The following OCLN variants were observed in gnomAD, a reference collection of about 807,000 sequenced individuals.
The protein encoded by OCLN is occludin.
In OCLN, 21 loss-of-function variants were observed where a neutral mutation model predicts 47.9. That is an observed-to-expected ratio of 0.44 (90% CI 0.31 to 0.63). The LOEUF is 0.63. Among genes scored for constraint, OCLN ranks in the 30% least tolerant of loss-of-function variants. The probability of loss-of-function intolerance (pLI) is 0.08; values close to 1 mark genes in which losing one functional copy is unlikely to be tolerated. For missense variants in OCLN, 360 were observed against 571.0 expected, an observed-to-expected ratio of 0.63 and a Z score of 3.77; for synonymous variants, 117 against 198.4, an observed-to-expected ratio of 0.59 and a Z score of 3.45.
chr5:69,528,381 GTGTTCC>G (rs1383746040), intron 4 of OCLN, among the ~76,000 whole-genome samples: 1 of 144,184 alleles, frequency 6.9e-6, no homozygotes, highest in Non-Finnish European at 1.5e-5. Context: ...TTTGAGAGAG[GTGTTCC>G]TAAACGCTGA....
intron 4 of OCLN, among the ~76,000 whole-genome samples, chr5:69,532,010 T>C (rs1161512693): frequency 6.6e-6 from 1 of 152,232 alleles, no homozygotes; most frequent in Non-Finnish European, 1.5e-5. Context: ...TCAGATCAAG[T>C]GGCCTTAATT....
Position 69,502,622 on chromosome 5 carries a change from G to T in OCLN, c.-68-1555G>T, listed in dbSNP as rs192915641. Among the ~76,000 whole-genome samples the T allele has an allele frequency of 5.3e-5, 8 of 152,348 alleles. No homozygotes were observed. In the East Asian group the frequency reaches 1.5e-3, roughly 29 times the overall value. On this transcript the variant is annotated intron_variant, in intron 1 of 8. Coordinates refer to ENST00000396442, the MANE Select transcript of OCLN (RefSeq NM_001205254.2). ...ACTAATCACTGGTATAACCTGGAAAGAATTTATTGTTGGTTCAACATAGCT... is the reference window on the plus strand; with the variant it reads ...ACTAATCACTGGTATAACCTGGAAATAATTTATTGTTGGTTCAACATAGCT...
At chr5:69,518,241 G>C (rs937560347) in intron 4 of OCLN, among the ~76,000 whole-genome samples, 33 of 152,140 alleles carry the variant, frequency 2.2e-4, no homozygotes, top group African/African-American at 8.0e-4. Context: ...ATAGCCTGTG[G>C]GTTGTTGCAT....
rs1768184458 is a variant in OCLN, at chr5:69,493,034, G to C, written c.-69+134G>C. On this transcript the variant is annotated intron_variant, in intron 1 of 8. Transcript: ENST00000396442. This position sits in a 1 kb window ranked among gnomAD's most constrained non-coding sequence, Gnocchi z 5.3. ...GTTTCGGTGGCAGTTTCGTCCCCGA[G>C]CTGGGACTCGTGGGAACCAGAGAGG... 6.6e-6 allele frequency: 1 copy of C among 152,558 alleles called. No individual in the cohort carries two copies. The allele number at this position is 152,558 out of a possible 1,614,324, so 9.5% of individuals were successfully genotyped here. A position where few individuals can be genotyped will look rare whatever the true frequency, so the allele number is the denominator to read the frequency against.
intron 7 of OCLN, among the ~76,000 whole-genome samples, chr5:69,549,455 C>T (rs1220576109): frequency 7.1e-6 from 1 of 141,138 alleles, no homozygotes; most frequent in Admixed American, 7.2e-5. Flanking sequence ...TTAGTTAAAA[C>T]AATCTCTCCA....
At chr5:69,511,806 C>T (rs1356561337) in intron 3 of OCLN, among the ~76,000 whole-genome samples, 1 of 152,070 alleles carries the variant, frequency 6.6e-6, no homozygotes, top group East Asian at 1.9e-4. Flanking sequence ...GGGCGGATCA[C>T]CTGAGGTCAG....
intron 1 of OCLN, among the ~76,000 whole-genome samples, chr5:69,501,660 C>T (rs1768462251): frequency 6.6e-6 from 1 of 151,604 alleles, no homozygotes; most frequent in Non-Finnish European, 1.5e-5. Flanking sequence ...GAGAAATTGA[C>T]TTGAGTGCTA....
At chr5:69,529,928 T>C (rs1769384739) in intron 4 of OCLN, among the ~76,000 whole-genome samples, 1 of 152,224 alleles carries the variant, frequency 6.6e-6, no homozygotes, top group Non-Finnish European at 1.5e-5. Flanking sequence ...ATTTGTGTTT[T>C]CATCCTGCTT....
intron 4 of OCLN, among the ~76,000 whole-genome samples, chr5:69,530,277 G>A (rs1245458408): frequency 6.6e-6 from 1 of 152,136 alleles, no homozygotes; most frequent in African/African-American, 2.4e-5. Context: ...GGGGCATTCT[G>A]TCAGTAATAA....
At chr5:69,525,096 T>G (rs571265047) in intron 4 of OCLN, among the ~76,000 whole-genome samples, 35 of 152,034 alleles carry the variant, frequency 2.3e-4, no homozygotes, top group Non-Finnish European at 4.7e-4. Flanking sequence ...AGTGTACATT[T>G]CTTTCTTTTC....
chr5:69,499,913 G>A (rs1245158145), intron 1 of OCLN, among the ~76,000 whole-genome samples: 2 of 152,176 alleles, frequency 1.3e-5, no homozygotes, highest in African/African-American at 2.4e-5. Context: ...TCCCAGTGCA[G>A]AGGTCAGGAT....
Position 69,533,903 on chromosome 5 carries a change from A to G in OCLN, c.892-791A>G, listed in dbSNP as rs992285084. 2.4e-3 allele frequency among the ~76,000 whole-genome samples: 356 copies of G among 151,462 alleles called. 2 individuals carry two copies. Among genetic ancestry groups the G allele is most frequent in the African/African-American group, 8.2e-3 (338 of 41,296 alleles). On this transcript the variant is annotated intron_variant, in intron 4 of 8. Transcript: ENST00000396442. ...TCTCGATCTCCTGACCTCATGATCCACCCGCCTCAGCCTCCCCAAGTGCTG... is the reference window on the plus strand; with the variant it reads ...TCTCGATCTCCTGACCTCATGATCCGCCCGCCTCAGCCTCCCCAAGTGCTG...
chr5:69,526,707 A>G (rs879317821), intron 4 of OCLN, among the ~76,000 whole-genome samples: 1 of 152,224 alleles, frequency 6.6e-6, no homozygotes, highest in Non-Finnish European at 1.5e-5. Flanking sequence ...AAGGGTTACA[A>G]CCTGTAAGGT....
At position 69,534,920 on chromosome 5, in the gene OCLN, T is replaced by A. The variant is rs1193105590; in HGVS notation, c.1037+81T>A. 24 of 1,527,430 alleles carry A rather than the reference T, an allele frequency of 1.6e-5. 5 individuals carry two copies. The African/African-American group carries it at 4.1e-4, about 26-fold the overall frequency. The allele number at this position is 1,527,430 out of a possible 1,614,324, so 94.6% of individuals were successfully genotyped here. On this transcript the variant is annotated intron_variant, in intron 5 of 8. Transcript: ENST00000396442. The stretch of plus-strand genomic sequence containing the variant: ...ATAATTGGTTTTTGTGCCTTTCTGC[T>A]TAAAAAAAATATCCAGCAGTGCACA...
chr5:69,508,608 T>C (rs913564577), intron 2 of OCLN, among the ~76,000 whole-genome samples: 1 of 152,212 alleles, frequency 6.6e-6, no homozygotes, highest in African/African-American at 2.4e-5. Context: ...CCCAAAGTGC[T>C]GGGATTACAG....
intron 4 of OCLN, among the ~76,000 whole-genome samples, chr5:69,531,653 C>T (rs755046955): frequency 1.3e-5 from 2 of 152,208 alleles, no homozygotes; most frequent in African/African-American, 4.8e-5. Flanking sequence ...GAGCACACTC[C>T]GTGGCAACCC....
chr5:69,494,334 C>T (rs1168118910), intron 1 of OCLN, among the ~76,000 whole-genome samples: 1 of 152,124 alleles, frequency 6.6e-6, no homozygotes, highest in Non-Finnish European at 1.5e-5. Context: ...TTACAGGCAC[C>T]CACTAGTATG....
At chr5:69,519,764 A>G (rs920481721) in intron 4 of OCLN, among the ~76,000 whole-genome samples, 4 of 152,144 alleles carry the variant, frequency 2.6e-5, no homozygotes, top group South Asian at 2.1e-4. Flanking sequence ...ACCCCCATGT[A>G]TACCCAAATC....
chr5:69,514,569 C>G (rs923508414), intron 4 of OCLN, among the ~76,000 whole-genome samples: 1 of 150,878 alleles, frequency 6.6e-6, no homozygotes, highest in Non-Finnish European at 1.5e-5. Context: ...GTGTTTCTCA[C>G]AGAGGGGGAT....
Sources: allele counts gnomAD v4.1 joint callset (sites outside exome capture counted in the v4.1 genomes callset), GRCh38; gene constraint gnomAD v4.1.1; non-coding constraint Gnocchi (gnomAD v3.1); transcripts MANE v1.5; gene names NCBI Gene and HGNC (gene_info 2026-07-23, HGNC 2026-07-21).